Variants in BMERB1 observed in about 807,000 individuals in gnomAD.
The protein encoded by BMERB1 is bMERB domain containing 1.
Under a neutral mutation model 23.6 loss-of-function variants are expected in BMERB1, and 12 were observed. That is an observed-to-expected ratio of 0.51 (90% CI 0.33 to 0.82). The LOEUF (loss-of-function observed/expected upper bound fraction) is 0.82, where lower values mean the gene tolerates loss of function less well. Ranked by LOEUF, BMERB1 falls within the 40% of genes least tolerant of loss-of-function variation. The pLI, the probability that BMERB1 is intolerant of heterozygous loss-of-function variation, is 0.03. For synonymous variants in BMERB1, 122 were observed against 96.6 expected (o/e 1.26, Z -1.54); for missense variants, 247 against 255.4 (o/e 0.97, Z 0.22).
At chr16:15,561,371 C>T (rs891431821) in intron 2 of BMERB1, among the ~76,000 whole-genome samples, 5 of 143,544 alleles carry the variant, frequency 3.5e-5, no homozygotes, top group Admixed American at 1.5e-4. Context: ...TGGGTTCAAG[C>T]GATTCTCCTG....
At chr16:15,566,288 G>A (rs1215644431) in intron 2 of BMERB1, among the ~76,000 whole-genome samples, 1 of 152,162 alleles carries the variant, frequency 6.6e-6, no homozygotes, top group Non-Finnish European at 1.5e-5. Context: ...GATGACAGGA[G>A]CCAGCACCCA....
In BMERB1 at chr16:15,455,986, T is replaced by G. The variant is rs77126188; in HGVS notation, c.106+21227T>G. 3.0e-3 allele frequency among the ~76,000 whole-genome samples: 454 copies of G among 152,312 alleles called. 18 individuals are homozygous for G. The East Asian group carries it at 0.071, about 24-fold the overall frequency. On this transcript the variant is annotated intron_variant, in intron 1 of 5. Coordinates refer to ENST00000300006, the MANE Select transcript of BMERB1 (RefSeq NM_033201.3). ...TCCTTTCTTTTCAGGCAGCTGAGACTTAAGGGAGTGAAGTAATTTGGTGGT... is the reference window on the plus strand; with the variant it reads ...TCCTTTCTTTTCAGGCAGCTGAGACGTAAGGGAGTGAAGTAATTTGGTGGT...
intron 3 of BMERB1, among the ~76,000 whole-genome samples, chr16:15,568,376 G>A (rs1257599949): frequency 1.3e-5 from 2 of 152,200 alleles, no homozygotes; most frequent in African/African-American, 4.8e-5. Flanking sequence ...GGTGGCTAAT[G>A]CCTGTAATCC....
chr16:15,567,754 C>T (rs1201299151), intron 2 of BMERB1, among the ~76,000 whole-genome samples: 2 of 151,276 alleles, frequency 1.3e-5, no homozygotes, highest in East Asian at 1.9e-4. Flanking sequence ...CAGAGTGAGA[C>T]TCTGTCACAA....
chr16:15,568,019 C>G lies in BMERB1; in HGVS notation c.267C>G (p.Asp89Glu), dbSNP rs1468883281. 2 of 1,613,924 alleles carry G rather than the reference C, an allele frequency of 1.2e-6. No homozygotes were observed. The highest frequency in any genetic ancestry group is 2.7e-5 in the African/African-American group (2 of 74,904). ...DDIQLCKDIM[D>E]LKQELQNLVA... ...TCCAGCTCTGCAAGGACATCATGGA[C>G]TTGAAGCAGGAGCTGCAGAACTTGG... The change falls in exon 3 of 6, where the codon GAC (aspartate) becomes GAG (glutamate). Residue 89 changes from aspartate to glutamate, a missense_variant. Transcript: ENST00000300006.
At chr16:15,561,474 G>C (rs1338196972) in intron 2 of BMERB1, among the ~76,000 whole-genome samples, 1 of 151,540 alleles carries the variant, frequency 6.6e-6, no homozygotes, top group African/African-American at 2.4e-5. Context: ...TCACCACGTT[G>C]GCCAGGCTGG....
intron 1 of BMERB1, among the ~76,000 whole-genome samples, chr16:15,435,742 C>T (rs1239041568): frequency 6.6e-6 from 1 of 152,202 alleles, no homozygotes; most frequent in Non-Finnish European, 1.5e-5. Context: ...CTGTCCTCAC[C>T]TGGTGGAAAA....
intron 1 of BMERB1, among the ~76,000 whole-genome samples, chr16:15,469,905 G>A (rs369042389): frequency 4.6e-5 from 7 of 152,126 alleles, no homozygotes; most frequent in Non-Finnish European, 1.0e-4. Flanking sequence ...GGAGATCTAC[G>A]TAGACACTTA....
chr16:15,534,898 T>C (rs1181292210), intron 2 of BMERB1, among the ~76,000 whole-genome samples: 1 of 152,190 alleles, frequency 6.6e-6, no homozygotes, highest in Non-Finnish European at 1.5e-5. Flanking sequence ...CAAGCCATAA[T>C]TCCAAGCAAA....
intron 2 of BMERB1, among the ~76,000 whole-genome samples, chr16:15,535,501 T>A (rs547770790): frequency 2.0e-4 from 30 of 151,716 alleles, no homozygotes; most frequent in African/African-American, 7.3e-4. Context: ...CAAAAAAAAA[T>A]TAGGTGACTA....
chr16:15,464,555 C>T (rs1253903747), intron 1 of BMERB1, among the ~76,000 whole-genome samples: 2 of 152,098 alleles, frequency 1.3e-5, no homozygotes, highest in African/African-American at 2.4e-5. Flanking sequence ...ATGTCTTGAT[C>T]GTATGGTAAA....
intron 1 of BMERB1, among the ~76,000 whole-genome samples, chr16:15,446,265 G>A (rs1364683545): frequency 6.6e-6 from 1 of 152,044 alleles, no homozygotes; most frequent in African/African-American, 2.4e-5. Flanking sequence ...GTGTGATGAT[G>A]TGCACCTGTA....
At chr16:15,540,896 A>G (rs1674240698) in intron 2 of BMERB1, among the ~76,000 whole-genome samples, 1 of 152,118 alleles carries the variant, frequency 6.6e-6, no homozygotes, top group African/African-American at 2.4e-5. Flanking sequence ...CCATTTTTCT[A>G]CACTAAGTCT....
intron 2 of BMERB1, among the ~76,000 whole-genome samples, chr16:15,544,449 G>C (rs916344279): frequency 6.6e-6 from 1 of 152,182 alleles, no homozygotes; most frequent in Non-Finnish European, 1.5e-5. Context: ...GGTGGGCCCC[G>C]CAGGGAAGAC....
intron 2 of BMERB1, among the ~76,000 whole-genome samples, chr16:15,547,342 TC>T (rs1431459450): frequency 3.1e-4 from 46 of 147,030 alleles, no homozygotes; most frequent in Non-Finnish European, 6.1e-4. Context: ...TTTTTCTTCT[TC>T]TTTTTTTTTT....
chr16:15,554,806 A>G (rs1406374824), intron 2 of BMERB1, among the ~76,000 whole-genome samples: 1 of 151,778 alleles, frequency 6.6e-6, no homozygotes, highest in Non-Finnish European at 1.5e-5. Context: ...AGCTGGGACT[A>G]CAGGTGCCCG....
chr16:15,477,143 G>A (rs549776460), intron 1 of BMERB1, among the ~76,000 whole-genome samples: 8 of 152,228 alleles, frequency 5.3e-5, no homozygotes, highest in African/African-American at 1.9e-4. Context: ...AAGAAAAGAG[G>A]TTCAGTTGAC....
chr16:15,500,527 T>C (rs1391006363), intron 1 of BMERB1, among the ~76,000 whole-genome samples: 1 of 152,082 alleles, frequency 6.6e-6, no homozygotes, highest in African/African-American at 2.4e-5. Context: ...GACAGAATCT[T>C]TGAGGAAGGG....
chr16:15,518,802 G>A (rs2051810625), intron 2 of BMERB1, among the ~76,000 whole-genome samples: 1 of 151,290 alleles, frequency 6.6e-6, no homozygotes, highest in African/African-American at 2.4e-5. Context: ...GAAGGGAGTG[G>A]GAGAGAAGGG....
Sources: gnomAD v4.1 joint callset for allele counts (sites outside exome capture counted in the v4.1 genomes callset) on GRCh38, gnomAD v4.1.1 for gene constraint, MANE v1.5 for transcripts, NCBI Gene and HGNC (gene_info 2026-07-23, HGNC 2026-07-21) for gene names.